Variants in PEX14 observed in about 807,000 individuals in gnomAD.
PEX14 encodes peroxisomal membrane protein PEX14.
A neutral mutation model predicts 49.5 loss-of-function variants in PEX14; 15 were observed. The observed-to-expected ratio is 0.30, with a 90% CI of 0.20 to 0.47. PEX14 has a LOEUF of 0.47. Ranked by LOEUF, PEX14 falls within the 20% of genes least tolerant of loss-of-function variation. PEX14 has a pLI of 1.00. For synonymous variants in PEX14, 210 were observed against 212.7 expected, an observed-to-expected ratio of 0.99 and a Z score of 0.11; for missense variants, 398 against 494.8, an observed-to-expected ratio of 0.80 and a Z score of 1.86.
Position 10,514,854 on chromosome 1 carries a change from G to A in PEX14, c.84+19533G>A, listed in dbSNP as rs1395325078. Reference sequence around the variant, plus strand: ...GATCTGTTCTGCTATCACCTGCAGTGCATCTAGATGAGAACTTCTGTGTGC... The same window carrying A: ...GATCTGTTCTGCTATCACCTGCAGTACATCTAGATGAGAACTTCTGTGTGC... On this transcript the variant is annotated intron_variant, in intron 2 of 8. Coordinates refer to ENST00000356607, the MANE Select transcript of PEX14 (RefSeq NM_004565.3). This position sits in a 1 kb window ranked among gnomAD's most constrained non-coding sequence, Gnocchi z 4.4. 1.3e-5 allele frequency among the ~76,000 whole-genome samples: 2 copies of A among 152,220 alleles called. No individual in the cohort carries two copies. The highest frequency in any genetic ancestry group is 1.3e-4 in the Admixed American group (2 of 15,278).
chr1:10,600,889 T>C (rs1640963676), intron 4 of PEX14, among the ~76,000 whole-genome samples: 1 of 151,976 alleles, frequency 6.6e-6, no homozygotes, highest in African/African-American at 2.4e-5. Flanking sequence ...ATCCCAGCAC[T>C]TTGGGAGGCC....
At chr1:10,508,214 G>GT (rs1047958380) in intron 2 of PEX14, among the ~76,000 whole-genome samples, 99 of 148,948 alleles carry the variant, frequency 6.6e-4, no homozygotes, top group Non-Finnish European at 1.1e-3. Context: ...TTTTGTTTTT[G>GT]TTTTTTTTTT....
At chr1:10,513,323 C>T (rs1641916309) in intron 2 of PEX14, among the ~76,000 whole-genome samples, 1 of 152,174 alleles carries the variant, frequency 6.6e-6, no homozygotes, top group African/African-American at 2.4e-5. Flanking sequence ...AGGCTGTTCA[C>T]ATAATACTCT....
chr1:10,495,067 A>C lies in PEX14; in HGVS notation c.37-207A>C. 5 of 981,220 alleles carry C rather than the reference A, an allele frequency of 5.1e-6. No homozygotes were observed. Among genetic ancestry groups the C allele is most frequent in the Non-Finnish European group, 6.1e-6 (5 of 826,224 alleles). 60.8% of individuals were successfully genotyped at this position (981,220 alleles called of 1,614,324 possible). On this transcript the variant is annotated intron_variant, in intron 1 of 8. Coordinates refer to ENST00000356607, the MANE Select transcript of PEX14 (RefSeq NM_004565.3). The surrounding 1 kb of genome is among the most constrained non-coding windows in gnomAD (Gnocchi z 4.2). ...TGGTGTGACAAGTGAACCCAGAAAC[A>C]GTCTTCATCTTCCCTGGTGAATTCA...
At chr1:10,500,373 C>CAAAAAAAAAAAAAAAAAAAAAAAA (rs750781683) in intron 2 of PEX14, among the ~76,000 whole-genome samples, 1 of 43,682 alleles carries the variant, frequency 2.3e-5, no homozygotes, top group Non-Finnish European at 4.0e-5. Flanking sequence ...GATTCTGTCT[C>CAAAAAAAAAAAAAAAAAAAAAAAA]AAAAAAAAAA....
At chr1:10,580,782 CT>C (rs35561909) in intron 3 of PEX14, among the ~76,000 whole-genome samples, 2,219 of 146,860 alleles carry the variant, frequency 0.015, 44 homozygotes, top group African/African-American at 0.052. Context: ...CCTAGCTGTT[CT>C]TTTTTTTTTC....
chr1:10,624,041 C>A (rs2242288), intron 6 of PEX14, among the ~76,000 whole-genome samples: 7,285 of 152,202 alleles, frequency 0.048, 240 homozygotes, highest in South Asian at 0.15. Flanking sequence ...GCCAGAGAAG[C>A]CGGGAGAGCT....
At chr1:10,555,642 A>AGTGTGAGT (rs1553189659) in intron 3 of PEX14, among the ~76,000 whole-genome samples, 3 of 149,372 alleles carry the variant, frequency 2.0e-5, no homozygotes, top group Non-Finnish European at 4.4e-5. Context: ...GCAAGGTGTG[A>AGTGTGAGT]GTGTGTGTGT....
intron 3 of PEX14, among the ~76,000 whole-genome samples, chr1:10,560,124 C>T (rs1245799510): frequency 6.6e-6 from 1 of 151,848 alleles, no homozygotes; most frequent in Non-Finnish European, 1.5e-5. Context: ...ATGGCACGAT[C>T]TTGGCTCACT....
At chr1:10,580,496 G>T (rs577225392) in intron 3 of PEX14, among the ~76,000 whole-genome samples, 1 of 152,212 alleles carries the variant, frequency 6.6e-6, no homozygotes, top group African/African-American at 2.4e-5. Context: ...AAGTGTTGGG[G>T]TTACAGGCGT....
intron 4 of PEX14, among the ~76,000 whole-genome samples, chr1:10,601,325 C>G (rs1640979906): frequency 6.8e-6 from 1 of 147,306 alleles, no homozygotes; most frequent in Admixed American, 6.7e-5. Flanking sequence ...TTTAAAATGA[C>G]AGATTCGTTT....
In PEX14 at chr1:10,629,643, A is replaced by G; in HGVS notation, c.790A>G (p.Ile264Val). The G allele has an allele frequency of 1.2e-6, 2 of 1,613,894 alleles. No homozygotes were observed. Among genetic ancestry groups the G allele is most frequent in the Non-Finnish European group, 1.7e-6 (2 of 1,179,946 alleles). The change falls in exon 9 of 9, where the codon ATC becomes GTC. Residue 264 changes from isoleucine to valine, a missense_variant. Around this residue, in one of 3 missense-constraint regions of PEX14, gnomAD observed 202 missense variants for 298.5 expected, o/e 0.68. Coordinates refer to ENST00000356607, the MANE Select transcript of PEX14 (RefSeq NM_004565.3). This position sits in a 1 kb window ranked among gnomAD's most constrained non-coding sequence, Gnocchi z 8.5. ...CGTGAACCACCACAGCAGCAGCGAC[A>G]TCTCACCTGTCAGCAACGAGTCCAC... Reference protein sequence around the residue: ...AAVNHHSSSDISPVSNESTSS... With the variant: ...AAVNHHSSSDVSPVSNESTSS...
intron 3 of PEX14, among the ~76,000 whole-genome samples, chr1:10,591,635 CTGTGTGTGTGTGTGTGTG>C (rs61635531): frequency 1.4e-5 from 2 of 139,648 alleles, no homozygotes; most frequent in African/African-American, 2.7e-5. Context: ...GGTATACACA[CTGTGTGTGTGTGTGTGTG>C]TGTGTGTGTG....
chr1:10,510,358 A>C (rs1468622954), intron 2 of PEX14, among the ~76,000 whole-genome samples: 1 of 152,222 alleles, frequency 6.6e-6, no homozygotes, highest in Non-Finnish European at 1.5e-5. Flanking sequence ...ATTCTGTTGA[A>C]ACAGCAGGTT....
chr1:10,580,688 A>G (rs1261716024), intron 3 of PEX14, among the ~76,000 whole-genome samples: 3 of 152,156 alleles, frequency 2.0e-5, no homozygotes. Flanking sequence ...TGTATATTGT[A>G]ATCCCTAGAG....
At chr1:10,541,944 G>A (rs1412810759) in intron 3 of PEX14, among the ~76,000 whole-genome samples, 1 of 152,152 alleles carries the variant, frequency 6.6e-6, no homozygotes, top group Non-Finnish European at 1.5e-5. Context: ...TTTGCGGGGA[G>A]GGAACACTTT....
At chr1:10,625,911 G>C (rs577108628) in intron 7 of PEX14, among the ~76,000 whole-genome samples, 144 of 152,174 alleles carry the variant, frequency 9.5e-4, no homozygotes, top group Admixed American at 2.2e-3. Flanking sequence ...GCCCACCCCA[G>C]CCTTCTCTCC....
chr1:10,480,436 C>T (rs931409389), intron 1 of PEX14, among the ~76,000 whole-genome samples: 8 of 146,472 alleles, frequency 5.5e-5, no homozygotes, highest in Non-Finnish European at 8.9e-5. Flanking sequence ...CTCTGTCTCC[C>T]GATCTGGAGT....
In PEX14 at chr1:10,494,607, C is replaced by T. The variant is rs564766736; in HGVS notation, c.37-667C>T. Among the ~76,000 whole-genome samples the T allele has an allele frequency of 2.0e-5, 3 of 152,322 alleles. No homozygotes were observed. The highest frequency in any genetic ancestry group is 3.9e-4 in the East Asian group (2 of 5,190). On this transcript the variant is annotated intron_variant, in intron 1 of 8. Coordinates refer to ENST00000356607, the MANE Select transcript of PEX14 (RefSeq NM_004565.3). The surrounding 1 kb of genome is among the most constrained non-coding windows in gnomAD (Gnocchi z 4.3). ...AGGAAACGGGCTAGAGCCAGGGCCT[C>T]GGCCACAGTGCTGCCTGCTCGCCTG...
Sources: allele counts gnomAD v4.1 joint callset (sites outside exome capture counted in the v4.1 genomes callset), GRCh38; gene constraint gnomAD v4.1.1; regional missense constraint gnomAD v4.1.1; non-coding constraint Gnocchi (gnomAD v3.1); transcripts MANE v1.5; gene names NCBI Gene and HGNC (gene_info 2026-07-23, HGNC 2026-07-21).